Variants in PRKCE observed in about 807,000 individuals in gnomAD.
PRKCE encodes protein kinase C epsilon.
PRKCE carries 16 observed loss-of-function variants against 85.4 expected under a neutral mutation model. That is an observed-to-expected ratio of 0.19 (90% CI 0.13 to 0.28). The LOEUF (loss-of-function observed/expected upper bound fraction) is 0.28, where lower values mean the gene tolerates loss of function less well. PRKCE is among the 10% of genes least tolerant of loss of function. The pLI is 1.00. For synonymous variants in PRKCE, 388 were observed against 371.5 expected (o/e 1.04, Z -0.51); for missense variants, 573 against 975.2 (o/e 0.59, Z 5.49).
At chr2:45,696,730 T>G (rs1304503759) in intron 1 of PRKCE, among the ~76,000 whole-genome samples, 1 of 152,232 alleles carries the variant, frequency 6.6e-6, no homozygotes, top group Non-Finnish European at 1.5e-5. Context: ...CATGGGAAGT[T>G]GAGAATGCTG....
intron 2 of PRKCE, among the ~76,000 whole-genome samples, chr2:45,923,044 A>G (rs1359808512): frequency 1.3e-5 from 2 of 152,216 alleles, no homozygotes; most frequent in Non-Finnish European, 2.9e-5. Context: ...CAAATAAAGG[A>G]AAGAAACAGA....
In PRKCE at chr2:45,682,424, TTTTA is replaced by T. The variant is rs781350614; in HGVS notation, c.348+29988_348+29991del. 3.0e-3 allele frequency among the ~76,000 whole-genome samples: 461 copies of T among 151,794 alleles called. 2 individuals carry two copies. Among genetic ancestry groups the T allele is most frequent in the African/African-American group, 9.0e-3 (372 of 41,212 alleles). ...ATAACTTTGAGATTCTAGTTTTATT[TTTTA>T]TTTATTTATTTTTTTTGAGACAGAA... is the stretch of plus-strand genomic sequence containing the variant. On this transcript the variant is annotated intron_variant, in intron 1 of 14. Transcript: ENST00000306156.
At chr2:46,039,298 T>A (rs533370330) in intron 10 of PRKCE, among the ~76,000 whole-genome samples, 1 of 152,346 alleles carries the variant, frequency 6.6e-6, no homozygotes, top group East Asian at 1.9e-4. Flanking sequence ...AGTTTCTCTG[T>A]CTCTCTCACA....
At chr2:45,906,947 G>A (rs981575665) in intron 2 of PRKCE, among the ~76,000 whole-genome samples, 5 of 152,210 alleles carry the variant, frequency 3.3e-5, no homozygotes, top group African/African-American at 1.2e-4. Flanking sequence ...TTAAGGAGCT[G>A]CATTGTGAGT....
intron 10 of PRKCE, among the ~76,000 whole-genome samples, chr2:46,048,358 A>G (rs2105046891): frequency 6.6e-6 from 1 of 152,330 alleles, no homozygotes; most frequent in East Asian, 1.9e-4. Flanking sequence ...GGGTATTAAC[A>G]AAATGGAAAT....
At position 45,767,036 on chromosome 2, in the gene PRKCE, G is replaced by T. The variant is rs901541817; in HGVS notation, c.349-75964G>T. On this transcript the variant is annotated intron_variant, in intron 1 of 14. Transcript: ENST00000306156. Reference sequence around the variant, plus strand: ...AGCCTGGGCAACAGAGTGAAACTCAGTCTAAAAAAAAAAAAATAAGTAACT... The same window carrying T: ...AGCCTGGGCAACAGAGTGAAACTCATTCTAAAAAAAAAAAAATAAGTAACT... Among the ~76,000 whole-genome samples, 8 of 104,136 alleles carry T rather than the reference G, an allele frequency of 7.7e-5. No individual in the cohort carries two copies. In the East Asian group the frequency reaches 3.8e-3, roughly 49 times the overall value. The allele number at this position is 104,136 out of a possible 152,430, so 68.3% of individuals were successfully genotyped here. A position where few individuals can be genotyped will look rare whatever the true frequency, so the allele number is the denominator to read the frequency against.
At chr2:45,932,790 A>G (rs1313207910) in intron 2 of PRKCE, among the ~76,000 whole-genome samples, 1 of 150,844 alleles carries the variant, frequency 6.6e-6, no homozygotes, top group Non-Finnish European at 1.5e-5. Context: ...CTAACTCTCT[A>G]CTCCCCCCAG....
At chr2:45,978,944 T>G (rs770851752) in intron 3 of PRKCE, 32 bp from the exon 4 acceptor site, 2 of 1,595,852 alleles carry the variant, frequency 1.3e-6, no homozygotes, top group Non-Finnish European at 1.7e-6. Flanking sequence ...AAGATTTCAC[T>G]TTTTTTAAAA....
At chr2:45,659,837 C>CTTTT (rs539573873) in intron 1 of PRKCE, among the ~76,000 whole-genome samples, 15 of 143,436 alleles carry the variant, frequency 1.0e-4, no homozygotes, top group Admixed American at 1.4e-4. Context: ...CCTTTCCTGC[C>CTTTT]TTTTTTTTTT....
intron 11 of PRKCE, among the ~76,000 whole-genome samples, chr2:46,094,905 T>C (rs1328886261): frequency 6.6e-6 from 1 of 152,210 alleles, no homozygotes; most frequent in Non-Finnish European, 1.5e-5. Context: ...TCAATTGAAT[T>C]CTCAATCATT....
At chr2:46,143,501 A>T (rs1675764676) in intron 11 of PRKCE, among the ~76,000 whole-genome samples, 1 of 152,190 alleles carries the variant, frequency 6.6e-6, no homozygotes, top group South Asian at 2.1e-4. Flanking sequence ...CGCACATCTC[A>T]TTAGTCCTTC....
intron 10 of PRKCE, among the ~76,000 whole-genome samples, chr2:46,055,863 A>G (rs958415662): frequency 6.6e-5 from 10 of 152,264 alleles, no homozygotes; most frequent in Admixed American, 2.0e-4. Flanking sequence ...GGGTTTTGCC[A>G]TGTTGCCCAA....
chr2:45,962,657 A>T (rs1701458799), intron 2 of PRKCE, among the ~76,000 whole-genome samples: 1 of 152,212 alleles, frequency 6.6e-6, no homozygotes, highest in Admixed American at 6.5e-5. Context: ...ATCACTATAG[A>T]AGACAGCTCC....
Position 46,184,994 on chromosome 2 carries a change from C to A in PRKCE, c.*113C>A. On this transcript the variant is annotated 3_prime_UTR_variant, in exon 15 of 15. Transcript: ENST00000306156. The surrounding 1 kb of genome is among the most constrained non-coding windows in gnomAD (Gnocchi z 5.0). ...TACTTCTCCTCCTCGGAGCCCCAGTCCCATGTCCACTGTCTATTTATTGCA... is the reference window on the plus strand; with the variant it reads ...TACTTCTCCTCCTCGGAGCCCCAGTACCATGTCCACTGTCTATTTATTGCA... The A allele has an allele frequency of 1.4e-6, 2 of 1,380,986 alleles. No individual in the cohort carries two copies. The highest frequency in any genetic ancestry group is 2.0e-6 in the Non-Finnish European group (2 of 1,014,804). The allele number at this position is 1,380,986 out of a possible 1,614,324, so 85.5% of individuals were successfully genotyped here.
chr2:45,903,872 A>G (rs972529392), intron 2 of PRKCE, among the ~76,000 whole-genome samples: 2 of 141,348 alleles, frequency 1.4e-5, no homozygotes, highest in South Asian at 4.7e-4. Flanking sequence ...GAGAGCTTGT[A>G]GCCTGGCAGT....
At chr2:46,016,309 G>A (rs979396935) in intron 10 of PRKCE, among the ~76,000 whole-genome samples, 13 of 152,126 alleles carry the variant, frequency 8.5e-5, no homozygotes, top group African/African-American at 1.4e-4. Flanking sequence ...AGGAATGCAC[G>A]GGTGTATGTG....
intron 1 of PRKCE, among the ~76,000 whole-genome samples, chr2:45,811,273 G>T (rs969266738): frequency 3.3e-5 from 5 of 152,206 alleles, no homozygotes; most frequent in African/African-American, 1.2e-4. Flanking sequence ...ATAATCTGTG[G>T]TATGTCCATG....
rs550301237 is a variant in PRKCE at position 45,661,323 on chromosome 2, C to T, written c.348+8875C>T. Among the ~76,000 whole-genome samples the T allele has an allele frequency of 4.6e-5, 7 of 151,708 alleles. No homozygotes were observed. The South Asian group carries it at 1.5e-3, about 32-fold the overall frequency. On this transcript the variant is annotated intron_variant, in intron 1 of 14. Coordinates refer to ENST00000306156, the MANE Select transcript of PRKCE (RefSeq NM_005400.3). The stretch of plus-strand genomic sequence containing the variant: ...TCAGCCTCCCAAGTAGCTGGGATTA[C>T]AAGCATGAGCCACCACACCCGACTA...
At chr2:46,135,210 T>A (rs901745364) in intron 11 of PRKCE, among the ~76,000 whole-genome samples, 22 of 152,374 alleles carry the variant, frequency 1.4e-4, no homozygotes, top group African/African-American at 4.8e-4. Context: ...GTCTGGCTTA[T>A]CTGTTACATC....
Sources: allele counts gnomAD v4.1 joint callset (sites outside exome capture counted in the v4.1 genomes callset), GRCh38; gene constraint gnomAD v4.1.1; non-coding constraint Gnocchi (gnomAD v3.1); transcripts MANE v1.5; gene names NCBI Gene and HGNC (gene_info 2026-07-23, HGNC 2026-07-21).